Variants in ADAMTS9 observed in about 807,000 individuals in gnomAD.
ADAMTS9 encodes A disintegrin and metalloproteinase with thrombospondin motifs 9.
In ADAMTS9, 107 loss-of-function variants were observed where a neutral mutation model predicts 257.1. The observed-to-expected ratio is 0.42, with a 90% CI of 0.36 to 0.49. ADAMTS9 has a LOEUF of 0.49. ADAMTS9 is among the 20% of genes least tolerant of loss of function. ADAMTS9 has a pLI of 0.03. For missense variants in ADAMTS9, 2,353 were observed against 2,469.1 expected, an observed-to-expected ratio of 0.95 and a Z score of 1.00; for synonymous variants, 982 against 880.9, an observed-to-expected ratio of 1.11 and a Z score of -2.03.
intron 28 of ADAMTS9, among the ~76,000 whole-genome samples, chr3:64,576,140 G>T (rs139497134): frequency 2.0e-5 from 3 of 152,100 alleles, no homozygotes; most frequent in African/African-American, 7.2e-5. Flanking sequence ...TACCAGTATT[G>T]TCTCTTCTCA....
At chr3:64,596,013 T>A (rs1459683886) in intron 27 of ADAMTS9, among the ~76,000 whole-genome samples, 5 of 152,194 alleles carry the variant, frequency 3.3e-5, no homozygotes, top group Admixed American at 3.3e-4. Context: ...AGTCACAGTA[T>A]TATTAATAAT....
chr3:64,549,350 A>G (rs1052483370), intron 31 of ADAMTS9, among the ~76,000 whole-genome samples: 3 of 152,190 alleles, frequency 2.0e-5, no homozygotes, highest in Admixed American at 6.5e-5. Flanking sequence ...TCCCATAATA[A>G]AAGTGCTACA....
chr3:64,635,309 A>T (rs572769245), intron 12 of ADAMTS9, among the ~76,000 whole-genome samples: 1 of 152,192 alleles, frequency 6.6e-6, no homozygotes, highest in Non-Finnish European at 1.5e-5. Flanking sequence ...GACTTTGTGT[A>T]AGCTGTCTCA....
Position 64,681,201 on chromosome 3 carries a change from C to A in ADAMTS9, c.679G>T (p.Glu227Ter). 6.2e-7 allele frequency: 1 copy of A among 1,611,568 alleles called. No homozygotes were observed. The highest frequency in any genetic ancestry group is 1.1e-5 in the South Asian group (1 of 90,660). ...STGRHACDTS[E>*]HKNRHSKDKK... is the part of the protein sequence containing the mutation. Reference sequence around the variant, plus strand: ...CTCCGCTTAAGCAAGAAGCAAATACCTGAGGTGTCACATGCATGCCTTCCT... The same window carrying A: ...CTCCGCTTAAGCAAGAAGCAAATACATGAGGTGTCACATGCATGCCTTCCT... The change falls in exon 3 of 40, where the codon GAA (glutamate) becomes TAA (stop). Residue 227 changes from glutamate (E) to a stop codon, truncating the protein, a stop_gained and splice_region_variant. Coordinates refer to ENST00000498707, the MANE Select transcript of ADAMTS9 (RefSeq NM_182920.2). LOFTEE classifies it high-confidence loss of function.
chr3:64,544,098 C>A (rs1171634353), intron 32 of ADAMTS9, among the ~76,000 whole-genome samples: 2 of 152,142 alleles, frequency 1.3e-5, no homozygotes, highest in African/African-American at 2.4e-5. Context: ...CAAACCACTG[C>A]TCAACGAAAT....
intron 37 of ADAMTS9, among the ~76,000 whole-genome samples, chr3:64,534,359 G>C (rs2083019944): frequency 6.6e-6 from 1 of 152,176 alleles, no homozygotes. Context: ...ATCAGCTATG[G>C]CTGGCGCTTA....
chr3:64,521,926 T>C (rs1045038719), intron 39 of ADAMTS9, among the ~76,000 whole-genome samples: 25 of 152,108 alleles, frequency 1.6e-4, no homozygotes, highest in Non-Finnish European at 3.5e-4. Flanking sequence ...GAATCTAAAA[T>C]CTAAAAGCAA....
chr3:64,630,138 G>T (rs1700331665), intron 16 of ADAMTS9, among the ~76,000 whole-genome samples: 1 of 101,334 alleles, frequency 9.9e-6, no homozygotes, highest in African/African-American at 4.7e-5. Flanking sequence ...CCATGCGGCT[G>T]GGAAGAGTTT....
chr3:64,599,746 A>C (rs1057112787), intron 26 of ADAMTS9, among the ~76,000 whole-genome samples: 21 of 152,350 alleles, frequency 1.4e-4, no homozygotes, highest in Middle Eastern at 3.4e-3. Flanking sequence ...AAGGGTTGGC[A>C]AGCCACAGCC....
chr3:64,551,325 T>G (rs2083268918), intron 30 of ADAMTS9, among the ~76,000 whole-genome samples: 1 of 152,176 alleles, frequency 6.6e-6, no homozygotes, highest in Non-Finnish European at 1.5e-5. Flanking sequence ...TTTTCCTGCC[T>G]CAGCCTCCCG....
chr3:64,639,300 T>TTTG (rs1553712704), intron 12 of ADAMTS9, among the ~76,000 whole-genome samples: 1 of 144,176 alleles, frequency 6.9e-6, no homozygotes, highest in Admixed American at 6.9e-5. Context: ...ATTGTTTTTT[T>TTTG]TTTTTTTTTT....
intron 3 of ADAMTS9, among the ~76,000 whole-genome samples, chr3:64,665,364 C>T (rs1330388557): frequency 6.6e-6 from 1 of 152,118 alleles, no homozygotes; most frequent in Non-Finnish European, 1.5e-5. Flanking sequence ...TGACCTTGGG[C>T]AAATAACTGA....
chr3:64,666,787 G>A (rs1337433389), intron 3 of ADAMTS9, among the ~76,000 whole-genome samples: 1 of 152,120 alleles, frequency 6.6e-6, no homozygotes, highest in African/African-American at 2.4e-5. Context: ...TTTACTTGTA[G>A]CATGCAAAAC....
At chr3:64,649,575 C>T in intron 10 of ADAMTS9, 62 bp downstream of exon 10, 2 of 1,518,840 alleles carry the variant, frequency 1.3e-6, no homozygotes, top group Non-Finnish European at 1.8e-6. Context: ...CAATGGAAAA[C>T]TATGAATAAA....
At chr3:64,631,055 C>A (rs980247727) in intron 16 of ADAMTS9, among the ~76,000 whole-genome samples, 2 of 152,132 alleles carry the variant, frequency 1.3e-5, no homozygotes, top group African/African-American at 4.8e-5. Flanking sequence ...CTGGTTAGAG[C>A]TGATAACATA....
At chr3:64,605,178 G>A (rs866811090) in intron 23 of ADAMTS9, among the ~76,000 whole-genome samples, 31 of 152,238 alleles carry the variant, frequency 2.0e-4, no homozygotes, top group South Asian at 2.1e-4. Context: ...GAAAGCCACC[G>A]GGAACTTTTT....
chr3:64,534,287 C>G (rs1413299064), intron 37 of ADAMTS9, among the ~76,000 whole-genome samples: 1 of 152,194 alleles, frequency 6.6e-6, no homozygotes, highest in African/African-American at 2.4e-5. Context: ...GTTTATTCAT[C>G]TGTAAAATGG....
chr3:64,601,249 A>G (rs2084455212), intron 26 of ADAMTS9, among the ~76,000 whole-genome samples: 1 of 152,186 alleles, frequency 6.6e-6, no homozygotes, highest in East Asian at 1.9e-4. Context: ...GCATCATCTT[A>G]TTTAATTCTT....
chr3:64,546,706 C>T (rs144913585), intron 32 of ADAMTS9, 52 bp downstream of exon 32: 279 of 1,518,948 alleles, frequency 1.8e-4, no homozygotes, highest in Admixed American at 4.2e-4. Context: ...ATGTTTAAGA[C>T]GGGGTTGAGA....
Sources: allele counts gnomAD v4.1 joint callset (sites outside exome capture counted in the v4.1 genomes callset), GRCh38; gene constraint gnomAD v4.1.1; transcripts MANE v1.5; gene names NCBI Gene and HGNC (gene_info 2026-07-23, HGNC 2026-07-21).